Variants in CTNND2 observed in about 807,000 individuals in gnomAD.
CTNND2 encodes the protein catenin delta 2, also known as catenin delta-2.
Under a neutral mutation model 144.4 loss-of-function variants are expected in CTNND2, and 22 were observed. That is an observed-to-expected ratio of 0.15 (90% CI 0.11 to 0.22). CTNND2 has a LOEUF of 0.22. CTNND2 is among the 10% of genes least tolerant of loss of function. The pLI, the probability that CTNND2 is intolerant of heterozygous loss-of-function variation, is 1.00. For missense variants in CTNND2, 1,353 were observed against 1,618.8 expected, an observed-to-expected ratio of 0.84 and a Z score of 2.82; for synonymous variants, 751 against 695.6, an observed-to-expected ratio of 1.08 and a Z score of -1.25.
At chr5:10,994,728 AG>A (rs1393829767) in intron 18 of CTNND2, among the ~76,000 whole-genome samples, 3 of 152,102 alleles carry the variant, frequency 2.0e-5, no homozygotes, top group Admixed American at 6.5e-5. Context: ...AGGCGTGAGC[AG>A]GGGGCCAGGA....
intron 20 of CTNND2, among the ~76,000 whole-genome samples, chr5:10,985,882 G>C (rs1737873512): frequency 6.6e-6 from 1 of 152,088 alleles, no homozygotes; most frequent in Non-Finnish European, 1.5e-5. Flanking sequence ...TACCACTACT[G>C]AAAGTGGCAA....
At chr5:11,348,158 A>C (rs902300150) in intron 8 of CTNND2, among the ~76,000 whole-genome samples, 1 of 152,222 alleles carries the variant, frequency 6.6e-6, no homozygotes, top group Non-Finnish European at 1.5e-5. Flanking sequence ...GTTAAGTCTC[A>C]AAATAATCAG....
rs530691294 is a variant in CTNND2 at position 11,147,426 on chromosome 5, G to A, written c.2159+12150C>T. ...GTCCTGAGGTAGAAAAGACCTCAAC[G>A]TATAGAACAACGGAAAAGAGGCTAG... On this transcript the variant is annotated intron_variant, in intron 12 of 21. Coordinates refer to ENST00000304623, the MANE Select transcript of CTNND2 (RefSeq NM_001332.4). Among the ~76,000 whole-genome samples, 107 of 152,306 alleles carry A rather than the reference G, an allele frequency of 7.0e-4. 1 individual carries two copies. Among genetic ancestry groups the A allele is most frequent in the Middle Eastern group, 3.4e-3 (1 of 294 alleles).
chr5:11,634,229 C>A (rs1053622544), intron 2 of CTNND2, among the ~76,000 whole-genome samples: 4 of 152,114 alleles, frequency 2.6e-5, no homozygotes, highest in Admixed American at 2.6e-4. Context: ...GCCATATTTT[C>A]CCCATATTCT....
In CTNND2 at chr5:11,026,356, CT is replaced by C. The variant is rs67196223; in HGVS notation, c.2789-3378del. Among the ~76,000 whole-genome samples the C allele has an allele frequency of 7.3e-3, 851 of 117,034 alleles. 4 individuals are homozygous for C. Among genetic ancestry groups the C allele is most frequent in the African/African-American group, 0.021 (683 of 31,814 alleles). The allele number at this position is 117,034 out of a possible 152,430, so 76.8% of individuals were successfully genotyped here. On this transcript the variant is annotated intron_variant, in intron 16 of 21. Coordinates refer to ENST00000304623, the MANE Select transcript of CTNND2 (RefSeq NM_001332.4). Reference sequence around the variant, plus strand: ...CAGCTGACTACTCCACCTTCTTCTTCTTTTTTTTTTTTTTTTTTTTTAAGAC... The same window carrying C: ...CAGCTGACTACTCCACCTTCTTCTTCTTTTTTTTTTTTTTTTTTTTAAGAC...
chr5:11,007,374 GT>G (rs11352064), intron 18 of CTNND2, among the ~76,000 whole-genome samples: 43,607 of 152,154 alleles, frequency 0.29, 6,658 homozygotes, highest in East Asian at 0.54. Context: ...AGCACTGGCG[GT>G]GAGGACGGCA....
At chr5:11,800,091 G>A (rs908398356) in intron 1 of CTNND2, among the ~76,000 whole-genome samples, 1 of 152,084 alleles carries the variant, frequency 6.6e-6, no homozygotes, top group African/African-American at 2.4e-5. Flanking sequence ...AGCAATGACT[G>A]TCAACTTCAT....
intron 2 of CTNND2, among the ~76,000 whole-genome samples, chr5:11,581,147 AT>A (rs200548752): frequency 9.9e-5 from 15 of 151,096 alleles, no homozygotes; most frequent in East Asian, 7.8e-4. Context: ...TCAACTATAA[AT>A]TTTTTTTTTC....
chr5:11,659,250 A>G (rs975381350), intron 2 of CTNND2, among the ~76,000 whole-genome samples: 6 of 152,182 alleles, frequency 3.9e-5, no homozygotes, highest in African/African-American at 1.4e-4. Context: ...GATCTGATGT[A>G]TACAGGAGAA....
intron 8 of CTNND2, among the ~76,000 whole-genome samples, chr5:11,358,190 CA>C (rs1292991636): frequency 1.3e-5 from 2 of 152,128 alleles, no homozygotes; most frequent in Non-Finnish European, 2.9e-5. Context: ...CCCTAGTTGA[CA>C]TGACATTAAT....
At chr5:11,295,819 T>C (rs866678228) in intron 9 of CTNND2, among the ~76,000 whole-genome samples, 1 of 152,066 alleles carries the variant, frequency 6.6e-6, no homozygotes, top group Non-Finnish European at 1.5e-5. Context: ...TTACACTTTA[T>C]ACAAAAATTA....
chr5:11,660,068 G>C (rs945119108), intron 2 of CTNND2, among the ~76,000 whole-genome samples: 2 of 152,116 alleles, frequency 1.3e-5, no homozygotes, highest in Admixed American at 6.6e-5. Context: ...ATTAGCAATG[G>C]AGAAGCTTTA....
chr5:11,062,800 G>T (rs1306452858), intron 16 of CTNND2, among the ~76,000 whole-genome samples: 1 of 152,172 alleles, frequency 6.6e-6, no homozygotes, highest in East Asian at 1.9e-4. Flanking sequence ...AAACTGATCT[G>T]CCTGAAAAAC....
intron 8 of CTNND2, among the ~76,000 whole-genome samples, chr5:11,356,582 A>C (rs969144411): frequency 6.6e-6 from 1 of 152,124 alleles, no homozygotes; most frequent in African/African-American, 2.4e-5. Flanking sequence ...AAAACCAGAA[A>C]CTTTGAAACA....
At chr5:11,109,666 C>A (rs1752760579) in intron 14 of CTNND2, among the ~76,000 whole-genome samples, 1 of 152,078 alleles carries the variant, frequency 6.6e-6, no homozygotes, top group Admixed American at 6.5e-5. Context: ...GTATAAATTT[C>A]TCTGAAAAAA....
intron 1 of CTNND2, among the ~76,000 whole-genome samples, chr5:11,759,627 G>A (rs1257971169): frequency 6.6e-6 from 1 of 152,078 alleles, no homozygotes; most frequent in East Asian, 1.9e-4. Flanking sequence ...ATCTCAGCAT[G>A]TATGCTAAAG....
intron 2 of CTNND2, among the ~76,000 whole-genome samples, chr5:11,710,443 G>T (rs1013251006): frequency 2.0e-5 from 3 of 151,850 alleles, no homozygotes; most frequent in African/African-American, 7.3e-5. Flanking sequence ...GGGAGGCTGA[G>T]GCAGGAGAGT....
At chr5:11,295,924 C>T (rs1748918385) in intron 9 of CTNND2, among the ~76,000 whole-genome samples, 1 of 152,038 alleles carries the variant, frequency 6.6e-6, no homozygotes, top group Non-Finnish European at 1.5e-5. Context: ...TAGGCATGGG[C>T]AAGGACTTCA....
intron 16 of CTNND2, among the ~76,000 whole-genome samples, chr5:11,060,391 T>C (rs1441251888): frequency 6.6e-6 from 1 of 151,944 alleles, no homozygotes; most frequent in Non-Finnish European, 1.5e-5. Context: ...AGAAGCCATA[T>C]AGTAAAGGAT....
Sources: gnomAD v4.1 joint callset for allele counts (sites outside exome capture counted in the v4.1 genomes callset) on GRCh38, gnomAD v4.1.1 for gene constraint, MANE v1.5 for transcripts, NCBI Gene and HGNC (gene_info 2026-07-23, HGNC 2026-07-21) for gene names.